Variants in SLC2A1 observed in about 807,000 individuals in gnomAD.
SLC2A1 encodes the protein solute carrier family 2 member 1.
A neutral mutation model predicts 46.6 loss-of-function variants in SLC2A1; 4 were observed. That is an observed-to-expected ratio of 0.09 (90% CI 0.04 to 0.20). SLC2A1 has a LOEUF of 0.20. Among genes scored for constraint, SLC2A1 ranks in the 10% least tolerant of loss-of-function variants. SLC2A1 has a pLI of 1.00. For missense variants in SLC2A1, 352 were observed against 667.0 expected (o/e 0.53, Z 5.20); for synonymous variants, 253 against 270.0 (o/e 0.94, Z 0.62).
At chr1:42,942,747 G>A (rs1643610631) in intron 2 of SLC2A1, among the ~76,000 whole-genome samples, 1 of 151,926 alleles carries the variant, frequency 6.6e-6, no homozygotes, top group African/African-American at 2.4e-5. Context: ...GACTTAGCTG[G>A]GTGATATTGG....
intron 1 of SLC2A1, among the ~76,000 whole-genome samples, chr1:42,955,229 C>T (rs376530170): frequency 6.6e-6 from 1 of 152,178 alleles, no homozygotes; most frequent in Non-Finnish European, 1.5e-5. Flanking sequence ...GGGACAGAGA[C>T]GTACATTCTT....
intron 1 of SLC2A1, among the ~76,000 whole-genome samples, chr1:42,957,550 GA>G (rs1643789081): frequency 6.6e-6 from 1 of 152,130 alleles, no homozygotes; most frequent in African/African-American, 2.4e-5. Context: ...AAGTATAATA[GA>G]TAAAGAGGGA....
chr1:42,958,831 G>C lies in SLC2A1; in HGVS notation c.-180C>G, dbSNP rs1449062133. 3.2e-5 allele frequency: 19 copies of C among 589,344 alleles called. No individual in the cohort carries two copies. The East Asian group carries it at 6.3e-4, about 20-fold the overall frequency. 36.5% of individuals were successfully genotyped at this position (589,344 alleles called of 1,614,324 possible). On this transcript the variant is annotated 5_prime_UTR_variant, in exon 1 of 10. Transcript: ENST00000426263. ...GTGCTCACTCGGGGACCCGCGACTA[G>C]CGACCGGCACGCTCGCTGTTGCTAC... is the stretch of plus-strand genomic sequence containing the variant.
chr1:42,927,576 G>GTGAGAAATGGT lies in SLC2A1; in HGVS notation c.1278+28_1278+29insACCATTTCTCA, dbSNP rs777763520. ...CAGCACTGTGGGGTCATGCGTGCGG[G>GTGAGAAATGGT]TGAGTATAGAGACAGTGGGGGTTCT... On this transcript the variant is annotated intron_variant, in intron 9 of 9. Coordinates refer to ENST00000426263, the MANE Select transcript of SLC2A1 (RefSeq NM_006516.4). This position sits in a 1 kb window ranked among gnomAD's most constrained non-coding sequence, Gnocchi z 5.3. 2.5e-6 allele frequency: 4 copies of GTGAGAAATGGT among 1,600,240 alleles called. No homozygotes were observed. The highest frequency in any genetic ancestry group is 1.7e-5 in the Admixed American group (1 of 59,962).
intron 1 of SLC2A1, chr1:42,951,669 C>CT (rs1215260783): frequency 5.1e-6 from 2 of 394,960 alleles, no homozygotes; most frequent in Middle Eastern, 6.4e-4. Flanking sequence ...ACTTCTGAAG[C>CT]TTTTTTTTAA....
chr1:42,941,273 G>A (rs952532630), intron 2 of SLC2A1, among the ~76,000 whole-genome samples: 3 of 152,092 alleles, frequency 2.0e-5, no homozygotes, highest in Admixed American at 6.5e-5. Context: ...CCCCGTGCTG[G>A]TGCCCATCCG....
At chr1:42,944,676 C>T (rs1018830011) in intron 1 of SLC2A1, among the ~76,000 whole-genome samples, 8 of 152,238 alleles carry the variant, frequency 5.3e-5, no homozygotes, top group Non-Finnish European at 8.8e-5. Context: ...ACATCAGAGG[C>T]TGCGAAAGAG....
At position 42,927,341 on chromosome 1, in the gene SLC2A1, A is replaced by G; in HGVS notation, c.1279-100T>C. The G allele has an allele frequency of 8.9e-7, 1 of 1,120,130 alleles. No individual in the cohort carries two copies. Among genetic ancestry groups the G allele is most frequent in the Non-Finnish European group, 1.3e-6 (1 of 746,766 alleles). The allele number at this position is 1,120,130 out of a possible 1,614,324, so 69.4% of individuals were successfully genotyped here. On this transcript the variant is annotated intron_variant, in intron 9 of 9. Coordinates refer to ENST00000426263, the MANE Select transcript of SLC2A1 (RefSeq NM_006516.4). This position sits in a 1 kb window ranked among gnomAD's most constrained non-coding sequence, Gnocchi z 5.3. ...TTACCTTTGGGCCTTTGAGCTGAAA[A>G]GGGAACATCCACCTACCCAGGGATG... is the stretch of plus-strand genomic sequence containing the variant.
At position 42,926,792 on chromosome 1, in the gene SLC2A1, TCAG is replaced by T; in HGVS notation, c.*246_*248del. Reference sequence around the variant, plus strand: ...TCAGGCTGATATAAAAATAACAAAATCAGTAATAAAAAAATTATAAAACCTGTT... The same window carrying T: ...TCAGGCTGATATAAAAATAACAAAATTAATAAAAAAATTATAAAACCTGTT... On this transcript the variant is annotated 3_prime_UTR_variant, in exon 10 of 10. Transcript: ENST00000426263. The T allele has an allele frequency of 1.4e-6, 2 of 1,480,562 alleles. No homozygotes were observed. The highest frequency in any genetic ancestry group is 1.8e-6 in the Non-Finnish European group (2 of 1,119,884). The allele number at this position is 1,480,562 out of a possible 1,614,324, so 91.7% of individuals were successfully genotyped here.
Position 42,930,250 on chromosome 1 carries a change from T to C in SLC2A1, c.517-215A>G. 1 of 641,380 alleles carries C rather than the reference T, an allele frequency of 1.6e-6. No individual in the cohort carries two copies. Among genetic ancestry groups the C allele is most frequent in the Non-Finnish European group, 2.8e-6 (1 of 360,144 alleles). 39.7% of individuals were successfully genotyped at this position (641,380 alleles called of 1,614,324 possible). A position where few individuals can be genotyped will look rare whatever the true frequency, so the allele number is the denominator to read the frequency against. On this transcript the variant is annotated intron_variant, in intron 4 of 9. Transcript: ENST00000426263. The surrounding 1 kb of genome is among the most constrained non-coding windows in gnomAD (Gnocchi z 6.2). ...CCCACAGTGTTGCTGGGAGGACAAA[T>C]GACAAGGCCACAGATGTGTCCAGCA... is the stretch of plus-strand genomic sequence containing the variant.
rs544230588 is a variant in SLC2A1 at position 42,951,976 on chromosome 1, A to G, written c.18+6658T>C. ...CACTGGAATTCATCCTTAGACGCAG[A>G]GTACCCTAGATGGGAGGGGGCATCC... On this transcript the variant is annotated intron_variant, in intron 1 of 9. Coordinates refer to ENST00000426263, the MANE Select transcript of SLC2A1 (RefSeq NM_006516.4). 25 of 407,106 alleles carry G rather than the reference A, an allele frequency of 6.1e-5. No individual in the cohort carries two copies. In the East Asian group the frequency reaches 8.5e-4, roughly 14 times the overall value. The allele number at this position is 407,106 out of a possible 1,614,324, so 25.2% of individuals were successfully genotyped here. A position where few individuals can be genotyped will look rare whatever the true frequency, so the allele number is the denominator to read the frequency against.
chr1:42,945,708 C>G (rs1438618318), intron 1 of SLC2A1, among the ~76,000 whole-genome samples: 1 of 148,708 alleles, frequency 6.7e-6, no homozygotes, highest in Non-Finnish European at 1.5e-5. Flanking sequence ...CCACTGCACT[C>G]CAGCCTGGGC....
chr1:42,955,071 T>C (rs958184388), intron 1 of SLC2A1, among the ~76,000 whole-genome samples: 3 of 152,282 alleles, frequency 2.0e-5, no homozygotes, highest in East Asian at 1.9e-4. Flanking sequence ...TTAATACCCA[T>C]GGGCCAGCAT....
intron 2 of SLC2A1, among the ~76,000 whole-genome samples, chr1:42,936,874 G>A (rs841848): frequency 0.24 from 35,967 of 151,796 alleles, 4,467 homozygotes; most frequent in African/African-American, 0.3. Context: ...CCTTCCTCCC[G>A]AGAACCACCC....
Position 42,957,912 on chromosome 1 carries a change from G to A in SLC2A1, c.18+722C>T, listed in dbSNP as rs574787052. ...CCCCGAGGGTAAACCTGCCTCCGCG[G>A]AACACATCTCCGCGAGACTGGGCCA... On this transcript the variant is annotated intron_variant, in intron 1 of 9. Transcript: ENST00000426263. Among the ~76,000 whole-genome samples the A allele has an allele frequency of 2.6e-5, 4 of 152,280 alleles. No individual in the cohort carries two copies. In the East Asian group the frequency reaches 7.8e-4, roughly 30 times the overall value.
intron 2 of SLC2A1, among the ~76,000 whole-genome samples, chr1:42,937,860 G>A (rs1411199197): frequency 1.3e-5 from 2 of 152,152 alleles, no homozygotes; most frequent in Non-Finnish European, 2.9e-5. Flanking sequence ...TCAGCCTGAC[G>A]GGACACAGGG....
chr1:42,937,012 A>T (rs1055569463), intron 2 of SLC2A1, among the ~76,000 whole-genome samples: 2 of 152,136 alleles, frequency 1.3e-5, no homozygotes, highest in Admixed American at 6.5e-5. Context: ...GAAGCCAAGG[A>T]TGCTGATAAA....
At chr1:42,953,562 G>T (rs1208084306) in intron 1 of SLC2A1, among the ~76,000 whole-genome samples, 1 of 152,232 alleles carries the variant, frequency 6.6e-6, no homozygotes, top group South Asian at 2.1e-4. Flanking sequence ...TCACCTTTAT[G>T]CCCAGGAGTG....
intron 2 of SLC2A1, among the ~76,000 whole-genome samples, chr1:42,931,725 A>C (rs72669446): frequency 0.017 from 2,559 of 150,004 alleles, 26 homozygotes; most frequent in Non-Finnish European, 0.027. Flanking sequence ...GCTACACGGG[A>C]GGCTAAGGCA....
Sources: gnomAD v4.1 joint callset for allele counts (sites outside exome capture counted in the v4.1 genomes callset) on GRCh38, gnomAD v4.1.1 for gene constraint, Gnocchi (gnomAD v3.1) non-coding constraint, MANE v1.5 for transcripts, NCBI Gene and HGNC (gene_info 2026-07-23, HGNC 2026-07-21) for gene names.